BORCS5: variants seen among roughly 807,000 people sequenced by gnomAD.
BORCS5 encodes the protein BLOC-1 related complex subunit 5, also known as BLOC-1-related complex subunit 5.
BORCS5 carries 17 observed loss-of-function variants against 22.1 expected under a neutral mutation model. That is an observed-to-expected ratio of 0.77 (90% CI 0.53 to 1.15). BORCS5 has a LOEUF of 1.15. BORCS5 is among the 50% of genes most tolerant of loss of function. BORCS5 has a pLI of 0.00. For synonymous variants in BORCS5, 117 were observed against 99.8 expected (o/e 1.17, Z -1.03); for missense variants, 247 against 253.2 (o/e 0.98, Z 0.17).
Position 12,371,009 on chromosome 12 carries a change from A to C in BORCS5, c.202+9660A>C, listed in dbSNP as rs866573685. 5.3e-5 allele frequency among the ~76,000 whole-genome samples: 8 copies of C among 152,152 alleles called. No homozygotes were observed. In the South Asian group the frequency reaches 1.0e-3, roughly 20 times the overall value. ...TGTGATCCGCCCACCTCGGCCTCCCAAAGTGCTGGGATTACAGGCGTGAGC... is the reference window on the plus strand; with the variant it reads ...TGTGATCCGCCCACCTCGGCCTCCCCAAGTGCTGGGATTACAGGCGTGAGC... On this transcript the variant is annotated intron_variant, in intron 2 of 3. Coordinates refer to ENST00000314565, the MANE Select transcript of BORCS5 (RefSeq NM_058169.6).
chr12:12,374,169 T>G (rs1033869867), intron 2 of BORCS5, among the ~76,000 whole-genome samples: 1 of 151,388 alleles, frequency 6.6e-6, no homozygotes, highest in African/African-American at 2.4e-5. Context: ...TTTTTTGTAT[T>G]TTTAGTAGAG....
rs1943200791 is a variant in BORCS5, at chr12:12,466,247, A to G, written c.*471A>G. On this transcript the variant is annotated 3_prime_UTR_variant, in exon 4 of 4. Transcript: ENST00000314565. ...AAACTAATTGAATCTAGGTCTCTGT[A>G]TTGTTCCTGTTTCTACCCTGACTGT... The G allele has an allele frequency of 6.5e-6, 1 of 153,774 alleles. No homozygotes were observed. Among genetic ancestry groups the G allele is most frequent in the Non-Finnish European group, 1.4e-5 (1 of 69,374 alleles). 9.5% of individuals were successfully genotyped at this position (153,774 alleles called of 1,614,324 possible).
chr12:12,453,088 G>T (rs1410604499), intron 3 of BORCS5, among the ~76,000 whole-genome samples: 1 of 152,184 alleles, frequency 6.6e-6, no homozygotes, highest in East Asian at 1.9e-4. Flanking sequence ...TGGAAGAAAG[G>T]TCTTGAAGAA....
At chr12:12,398,248 G>A (rs1941395158) in intron 2 of BORCS5, among the ~76,000 whole-genome samples, 1 of 152,108 alleles carries the variant, frequency 6.6e-6, no homozygotes, top group South Asian at 2.1e-4. Context: ...ATAAGAATGA[G>A]TTGATGTCAC....
chr12:12,438,372 A>AC, intron 3 of BORCS5, among the ~76,000 whole-genome samples: 1 of 129,824 alleles, frequency 7.7e-6, no homozygotes, highest in Non-Finnish European at 1.6e-5. Context: ...AAAAAAAAAA[A>AC]AAAAAAAACG....
chr12:12,452,299 C>A (rs1304068436), intron 3 of BORCS5: 2 of 758,952 alleles, frequency 2.6e-6, no homozygotes, highest in Non-Finnish European at 4.5e-6. Context: ...ATGTTTGTCT[C>A]CAATACCATT....
intron 2 of BORCS5, among the ~76,000 whole-genome samples, chr12:12,386,790 C>T (rs984817310): frequency 6.6e-6 from 1 of 151,190 alleles, no homozygotes; most frequent in African/African-American, 2.4e-5. Context: ...TTCTTTATTC[C>T]TTCCTCCCTG....
chr12:12,378,154 C>T (rs768935410), intron 2 of BORCS5, among the ~76,000 whole-genome samples: 50 of 152,160 alleles, frequency 3.3e-4, no homozygotes, highest in Non-Finnish European at 5.9e-4. Context: ...GGCAGATCAC[C>T]TCAGGTCAGG....
At chr12:12,448,628 A>C (rs936509257) in intron 3 of BORCS5, among the ~76,000 whole-genome samples, 4 of 150,952 alleles carry the variant, frequency 2.6e-5, no homozygotes, top group Non-Finnish European at 2.9e-5. Context: ...TTCTGGTTTC[A>C]AGCGATTCTC....
At chr12:12,390,886 C>T (rs1418708852) in intron 2 of BORCS5, among the ~76,000 whole-genome samples, 5 of 151,968 alleles carry the variant, frequency 3.3e-5, no homozygotes, top group East Asian at 3.8e-4. Flanking sequence ...GGAGTACAGG[C>T]ATAAGCCACC....
At chr12:12,416,580 C>G (rs1030019568) in intron 2 of BORCS5, among the ~76,000 whole-genome samples, 3 of 151,752 alleles carry the variant, frequency 2.0e-5, no homozygotes, top group African/African-American at 7.3e-5. Flanking sequence ...GTAACTGAGA[C>G]TACAGACACA....
At chr12:12,389,981 T>C (rs1941128454) in intron 2 of BORCS5, among the ~76,000 whole-genome samples, 1 of 152,124 alleles carries the variant, frequency 6.6e-6, no homozygotes, top group Non-Finnish European at 1.5e-5. Flanking sequence ...CACTGTGTGC[T>C]TTGTATTGAG....
chr12:12,384,420 C>T (rs898261362), intron 2 of BORCS5, among the ~76,000 whole-genome samples: 1 of 149,026 alleles, frequency 6.7e-6, no homozygotes, highest in Admixed American at 6.8e-5. Flanking sequence ...TTTTTGTCTG[C>T]TGTATCTAGT....
At chr12:12,460,606 GT>G (rs932624311) in intron 3 of BORCS5, among the ~76,000 whole-genome samples, 3 of 152,182 alleles carry the variant, frequency 2.0e-5, no homozygotes, top group Non-Finnish European at 4.4e-5. Context: ...TAACTGTATT[GT>G]CAGCTGGAAG....
chr12:12,411,117 G>A (rs4319596), intron 2 of BORCS5, among the ~76,000 whole-genome samples: 94,191 of 151,932 alleles, frequency 0.62, 30,355 homozygotes, highest in African/African-American at 0.79. Flanking sequence ...GCTTAAGGAG[G>A]TTTTGGGCTG....
chr12:12,416,558 C>T (rs771294462), intron 2 of BORCS5, among the ~76,000 whole-genome samples: 3 of 151,984 alleles, frequency 2.0e-5, no homozygotes, highest in Non-Finnish European at 4.4e-5. Context: ...ATTCTTCTAC[C>T]TCAGCCTCCC....
At chr12:12,462,252 T>C (rs1405157402) in intron 3 of BORCS5, among the ~76,000 whole-genome samples, 2 of 152,236 alleles carry the variant, frequency 1.3e-5, no homozygotes, top group Non-Finnish European at 2.9e-5. Context: ...CTCAGGACAG[T>C]CTTTTAAGTG....
Position 12,468,207 on chromosome 12 carries a change from C to G in BORCS5, c.*2431C>G, listed in dbSNP as rs1253165578. The stretch of plus-strand genomic sequence containing the variant: ...GCTCAAACCGCTTTCACAATCCTCT[C>G]TTTCTACATCATTCCTAGTGGTTCT... On this transcript the variant is annotated 3_prime_UTR_variant, in exon 4 of 4. Transcript: ENST00000314565. 3 of 152,218 alleles carry G rather than the reference C, an allele frequency of 2.0e-5. No individual in the cohort carries two copies. Among genetic ancestry groups the G allele is most frequent in the African/African-American group, 4.8e-5 (2 of 41,442 alleles). 9.4% of individuals were successfully genotyped at this position (152,218 alleles called of 1,614,324 possible). A position where few individuals can be genotyped will look rare whatever the true frequency, so the allele number is the denominator to read the frequency against.
chr12:12,434,360 C>T (rs1175496402), intron 2 of BORCS5, among the ~76,000 whole-genome samples: 1 of 149,992 alleles, frequency 6.7e-6, no homozygotes, highest in Non-Finnish European at 1.5e-5. Context: ...GTTCCTTGTG[C>T]TGTAGCATTG....
Sources: gnomAD v4.1 joint callset for allele counts (sites outside exome capture counted in the v4.1 genomes callset) on GRCh38, gnomAD v4.1.1 for gene constraint, MANE v1.5 for transcripts, NCBI Gene and HGNC (gene_info 2026-07-23, HGNC 2026-07-21) for gene names.